The following SPAG17 variants were observed in gnomAD, a reference collection of about 807,000 sequenced individuals.
SPAG17 encodes sperm-associated antigen 17.
A neutral mutation model predicts 273.6 loss-of-function variants in SPAG17; 169 were observed. The observed-to-expected ratio is 0.62, with a 90% confidence interval of 0.55 to 0.70. The LOEUF is 0.70. Ranked by LOEUF, SPAG17 falls within the 30% of genes least tolerant of loss-of-function variation. The pLI is 0.00. For synonymous variants in SPAG17, 825 were observed against 873.2 expected, an observed-to-expected ratio of 0.94 and a Z score of 0.97; for missense variants, 2,557 against 2,627.8, an observed-to-expected ratio of 0.97 and a Z score of 0.59.
At chr1:118,135,420 TGTGTGTGTGTGG>T (rs1265776857) in intron 3 of SPAG17, among the ~76,000 whole-genome samples, 9 of 151,010 alleles carry the variant, frequency 6.0e-5, no homozygotes, top group African/African-American at 2.0e-4. Context: ...TATGTGTGTG[TGTGTGTGTGTGG>T]GGTATGGTGT....
rs1424393565 is a variant in SPAG17 at position 117,973,623 on chromosome 1, A to C, written c.6005-62T>G. The C allele has an allele frequency of 2.1e-5, 32 of 1,526,624 alleles. No homozygotes were observed. In the Middle Eastern group the frequency reaches 1.0e-3, roughly 49 times the overall value. The allele number at this position is 1,526,624 out of a possible 1,614,324, so 94.6% of individuals were successfully genotyped here. The stretch of plus-strand genomic sequence containing the variant: ...ATTTTATTCAAACACATTTGAAGTA[A>C]TATCAGAATGTATGACAACAGAAAC... On this transcript the variant is annotated intron_variant, in intron 43 of 48. Transcript: ENST00000336338.
intron 45 of SPAG17, among the ~76,000 whole-genome samples, chr1:117,970,746 A>C (rs916680826): frequency 5.9e-5 from 9 of 152,174 alleles, no homozygotes; most frequent in Non-Finnish European, 1.3e-4. Context: ...TTCTTCCTCC[A>C]TCAACCTTGC....
intron 20 of SPAG17, among the ~76,000 whole-genome samples, chr1:118,044,914 C>T (rs1378031286): frequency 1.3e-5 from 2 of 152,134 alleles, no homozygotes; most frequent in Non-Finnish European, 2.9e-5. Flanking sequence ...CCAATTATAT[C>T]TCTTTTCTTA....
chr1:117,983,932 T>C lies in SPAG17; in HGVS notation c.5770-19A>G, dbSNP rs1358670532. 1 of 1,366,100 alleles carries C rather than the reference T, an allele frequency of 7.3e-7. No individual in the cohort carries two copies. The highest frequency in any genetic ancestry group is 1.0e-6 in the Non-Finnish European group (1 of 963,158). The allele number at this position is 1,366,100 out of a possible 1,614,324, so 84.6% of individuals were successfully genotyped here. A position where few individuals can be genotyped will look rare whatever the true frequency, so the allele number is the denominator to read the frequency against. On this transcript the variant is annotated intron_variant, in intron 41 of 48. Coordinates refer to ENST00000336338, the MANE Select transcript of SPAG17 (RefSeq NM_206996.4). ...GATTATACTGAAAGGAAAAAAAAAC[T>C]TATTTTAGACTTATACATGGCTGAA...
intron 1 of SPAG17, among the ~76,000 whole-genome samples, chr1:118,180,645 C>T (rs1182840559): frequency 3.3e-5 from 5 of 151,950 alleles, no homozygotes; most frequent in African/African-American, 9.7e-5. Context: ...GAATATCCTA[C>T]TTATAGTCAT....
At chr1:117,972,490 T>C (rs2101519905) in intron 44 of SPAG17, among the ~76,000 whole-genome samples, 1 of 152,356 alleles carries the variant, frequency 6.6e-6, no homozygotes, top group East Asian at 1.9e-4. Context: ...TTCTTAGTGT[T>C]GGCAATGCTG....
At chr1:118,020,123 G>C (rs535940594) in intron 28 of SPAG17, among the ~76,000 whole-genome samples, 242 of 152,252 alleles carry the variant, frequency 1.6e-3, no homozygotes, top group Non-Finnish European at 2.9e-3. Flanking sequence ...AGGGTAAAAA[G>C]AATCCTAGAA....
chr1:117,983,667 TCA>T, intron 42 of SPAG17, 142 bp downstream of exon 42: 1 of 434,834 alleles, frequency 2.3e-6, no homozygotes, highest in Non-Finnish European at 4.0e-6. Context: ...ATTTGTTTTC[TCA>T]TATAACTCAG....
At position 118,091,737 on chromosome 1, in the gene SPAG17, A is replaced by G; in HGVS notation, c.1247-19T>C. On this transcript the variant is annotated intron_variant, in intron 9 of 48. Coordinates refer to ENST00000336338, the MANE Select transcript of SPAG17 (RefSeq NM_206996.4). Reference sequence around the variant, plus strand: ...GAAGTCACTGTAAAATATAGAAAATACCATTGCCCAATTAAGTTGTGTTCT... The same window carrying G: ...GAAGTCACTGTAAAATATAGAAAATGCCATTGCCCAATTAAGTTGTGTTCT... 6.7e-7 allele frequency: 1 copy of G among 1,489,046 alleles called. No homozygotes were observed. The highest frequency in any genetic ancestry group is 1.1e-5 in the South Asian group (1 of 87,866). 92.2% of individuals were successfully genotyped at this position (1,489,046 alleles called of 1,614,324 possible). A position where few individuals can be genotyped will look rare whatever the true frequency, so the allele number is the denominator to read the frequency against.
intron 4 of SPAG17, among the ~76,000 whole-genome samples, chr1:118,112,861 T>C (rs1194119321): frequency 6.6e-6 from 1 of 152,112 alleles, no homozygotes; most frequent in Admixed American, 6.6e-5. Flanking sequence ...TAAAATGTTA[T>C]TAAAAGTAGT....
intron 10 of SPAG17, among the ~76,000 whole-genome samples, chr1:118,090,909 T>C (rs925434661): frequency 1.3e-5 from 2 of 151,568 alleles, no homozygotes; most frequent in African/African-American, 2.4e-5. Flanking sequence ...ATAACAAATA[T>C]ATAAATAAAT....
intron 3 of SPAG17, among the ~76,000 whole-genome samples, chr1:118,135,752 C>G (rs1658319984): frequency 6.6e-6 from 1 of 152,146 alleles, no homozygotes; most frequent in Admixed American, 6.6e-5. Context: ...GAGTCTTTGG[C>G]ACAGTGCAAC....
chr1:118,176,340 T>TA (rs1437925993), intron 1 of SPAG17, among the ~76,000 whole-genome samples: 23 of 152,196 alleles, frequency 1.5e-4, no homozygotes, highest in African/African-American at 5.5e-4. Flanking sequence ...ACCTCACCTA[T>TA]AAAGACACAC....
intron 34 of SPAG17, among the ~76,000 whole-genome samples, chr1:117,994,947 G>C (rs916181460): frequency 2.6e-5 from 4 of 152,048 alleles, no homozygotes; most frequent in Admixed American, 6.6e-5. Flanking sequence ...CTTGCAGTCA[G>C]GGTGACTGAT....
chr1:118,121,202 G>A (rs1657401188), intron 3 of SPAG17, among the ~76,000 whole-genome samples: 5 of 152,132 alleles, frequency 3.3e-5, no homozygotes, highest in Admixed American at 3.3e-4. Context: ...AGGAGGATAA[G>A]CATCAGAGAG....
At chr1:117,964,003 A>C (rs1476985503) in intron 47 of SPAG17, 65 bp from the exon 48 acceptor site, 1 of 1,517,166 alleles carries the variant, frequency 6.6e-7, no homozygotes, top group African/African-American at 1.4e-5. Flanking sequence ...AACCTAAATA[A>C]CATTTTAGAA....
intron 31 of SPAG17, 106 bp downstream of exon 31, chr1:118,007,938 C>T: frequency 8.5e-7 from 1 of 1,175,822 alleles, no homozygotes; most frequent in Admixed American, 1.9e-5. Context: ...AGAATGAAAG[C>T]AACAGCAGTG....
Position 118,040,735 on chromosome 1 carries a change from T to C in SPAG17, c.3161A>G (p.Glu1054Gly). The change falls in exon 22 of 49, where the codon GAA becomes GGA. Residue 1054 changes from glutamate (E) to glycine (G), a missense_variant. Physicochemically the swap from Glu to Gly is moderately conservative, Grantham distance 98 (BLOSUM62 -2). Coordinates refer to ENST00000336338, the MANE Select transcript of SPAG17 (RefSeq NM_206996.4). ...CAGTTGCTTTCAAAATGTACCTTTT[T>C]CAAACATTGTCTTTTCCACTTCAAT... ...GQIEVEKTMF[E>G]KGPTFIKVRV... 1 of 1,584,524 alleles carries C rather than the reference T, an allele frequency of 6.3e-7. No individual in the cohort carries two copies. The highest frequency in any genetic ancestry group is 8.7e-7 in the Non-Finnish European group (1 of 1,152,788).
intron 13 of SPAG17, among the ~76,000 whole-genome samples, chr1:118,083,706 A>T (rs1654778825): frequency 6.6e-6 from 1 of 151,928 alleles, no homozygotes. Flanking sequence ...AATCGCTTGA[A>T]CCCAGGAGGT....
Sources: allele counts gnomAD v4.1 joint callset (sites outside exome capture counted in the v4.1 genomes callset), GRCh38; gene constraint gnomAD v4.1.1; transcripts MANE v1.5; gene names NCBI Gene and HGNC (gene_info 2026-07-23, HGNC 2026-07-21).